ANK3: variants seen among roughly 807,000 people sequenced by gnomAD.
ANK3 encodes the protein ankyrin 3.
A neutral mutation model predicts 370.9 loss-of-function variants in ANK3; 57 were observed. The observed-to-expected ratio is 0.15, with a 90% CI of 0.12 to 0.19. ANK3 has a LOEUF of 0.19. Among genes scored for constraint, ANK3 ranks in the 10% least tolerant of loss-of-function variants. ANK3 has a pLI of 1.00. For missense variants in ANK3, 4,439 were observed against 5,302.1 expected, an observed-to-expected ratio of 0.84 and a Z score of 5.06; for synonymous variants, 1,929 against 1,946.3, an observed-to-expected ratio of 0.99 and a Z score of 0.23.
chr10:60,272,667 G>A (rs1159385075), intron 4 of ANK3, among the ~76,000 whole-genome samples: 1 of 151,916 alleles, frequency 6.6e-6, no homozygotes, highest in Non-Finnish European at 1.5e-5. Flanking sequence ...TTTAGCAGAG[G>A]TGGGGTTTCA....
In ANK3 at chr10:60,088,377, G is replaced by A; in HGVS notation, c.3329-19C>T. 6.2e-7 allele frequency: 1 copy of A among 1,603,518 alleles called. No homozygotes were observed. The highest frequency in any genetic ancestry group is 8.5e-7 in the Non-Finnish European group (1 of 1,170,940). On this transcript the variant is annotated intron_variant, in intron 28 of 43. Coordinates refer to ENST00000280772, the MANE Select transcript of ANK3 (RefSeq NM_020987.5). ...TCAAGTTCTGAAAAGACAAATGAAA[G>A]AAAATGCCATGAGAATAAGCATATC...
intron 2 of ANK3, among the ~76,000 whole-genome samples, chr10:60,533,436 C>A (rs531151094): frequency 1.3e-5 from 2 of 152,222 alleles, no homozygotes; most frequent in African/African-American, 4.8e-5. Context: ...AAATCCCAGG[C>A]TAGGCACTCT....
At chr10:60,248,079 A>G (rs1404354491) in intron 7 of ANK3, among the ~76,000 whole-genome samples, 1 of 152,208 alleles carries the variant, frequency 6.6e-6, no homozygotes, top group Non-Finnish European at 1.5e-5. Flanking sequence ...TTATCCATTC[A>G]TCTGTTGGAC....
intron 10 of ANK3, 109 bp downstream of exon 10, chr10:60,207,927 T>C: frequency 1.0e-6 from 1 of 978,962 alleles, no homozygotes; most frequent in Non-Finnish European, 1.6e-6. Context: ...GAAGTACACT[T>C]TAACTAGCAC....
At position 60,105,853 on chromosome 10, in the gene ANK3, C is replaced by T. The variant is rs2092098279; in HGVS notation, c.3328+52G>A. On this transcript the variant is annotated intron_variant, in intron 28 of 43. Transcript: ENST00000280772. The stretch of plus-strand genomic sequence containing the variant: ...CCTGTTTCATGTAATCTAGTCATTC[C>T]TTTAATTTCTGCCTGCAGACATTTA... The T allele has an allele frequency of 3.3e-6, 5 of 1,525,620 alleles. No individual in the cohort carries two copies. The South Asian group carries it at 6.5e-5, about 20-fold the overall frequency. The allele number at this position is 1,525,620 out of a possible 1,614,324, so 94.5% of individuals were successfully genotyped here. A position where few individuals can be genotyped will look rare whatever the true frequency, so the allele number is the denominator to read the frequency against.
At chr10:60,420,580 G>A (rs1464977585) in intron 2 of ANK3, among the ~76,000 whole-genome samples, 2 of 151,726 alleles carry the variant, frequency 1.3e-5, no homozygotes, top group East Asian at 3.9e-4. Context: ...CCCACTTAGT[G>A]GGCATATATT....
intron 1 of ANK3, among the ~76,000 whole-genome samples, chr10:60,689,011 C>A (rs1157627337): frequency 1.3e-5 from 2 of 151,826 alleles, no homozygotes; most frequent in Non-Finnish European, 2.9e-5. Context: ...CTTTCAGTAT[C>A]CCTGTTTTAG....
intron 28 of ANK3, among the ~76,000 whole-genome samples, chr10:60,098,897 G>C (rs1055133000): frequency 6.6e-6 from 1 of 152,088 alleles, no homozygotes; most frequent in Non-Finnish European, 1.5e-5. Context: ...CAGAATGTCT[G>C]GAAACAATGA....
intron 2 of ANK3, among the ~76,000 whole-genome samples, chr10:60,586,002 C>A (rs569003733): frequency 6.6e-6 from 1 of 150,952 alleles, no homozygotes; most frequent in African/African-American, 2.4e-5. Context: ...CCAGCCTGGG[C>A]GACAAGAGTA....
chr10:60,140,749 G>A, intron 23 of ANK3: 1 of 1,096,168 alleles, frequency 9.1e-7, no homozygotes, highest in African/African-American at 1.6e-5. Flanking sequence ...GCAAGCCCCT[G>A]AGTTATTTGT....
chr10:60,169,267 G>A (rs919612574), intron 21 of ANK3, among the ~76,000 whole-genome samples: 1 of 151,430 alleles, frequency 6.6e-6, no homozygotes, highest in Non-Finnish European at 1.5e-5. Flanking sequence ...ATCTCATTGT[G>A]GTCTTGATTT....
intron 1 of ANK3, among the ~76,000 whole-genome samples, chr10:60,379,668 G>T (rs2061296729): frequency 6.6e-6 from 1 of 152,064 alleles, no homozygotes; most frequent in South Asian, 2.1e-4. Flanking sequence ...TAAAAAAAAA[G>T]TTGATCTCAT....
chr10:60,071,553 G>C lies in ANK3; in HGVS notation c.9328C>G (p.Gln3110Glu). 5 of 1,613,962 alleles carry C rather than the reference G, an allele frequency of 3.1e-6. No homozygotes were observed. The highest frequency in any genetic ancestry group is 2.2e-5 in the East Asian group (1 of 44,872). ...QVGKQYEKEIQQGGVKKIISQ... is the reference protein window; with the variant it reads ...QVGKQYEKEIEQGGVKKIISQ... ...ATGATTTTTTTTACACCTCCTTGTT[G>C]TATCTCCTTTTCATATTGCTTCCCC... is the stretch of plus-strand genomic sequence containing the variant. The change falls in exon 37 of 44, where the codon CAA (glutamine) becomes GAA (glutamate). Residue 3110 changes from glutamine (Q) to glutamate (E), a missense_variant. Physicochemically the swap from Gln to Glu is conservative, Grantham distance 29. Transcript: ENST00000280772.
At chr10:60,417,116 G>A (rs886099325) in intron 2 of ANK3, among the ~76,000 whole-genome samples, 4 of 152,196 alleles carry the variant, frequency 2.6e-5, no homozygotes, top group Non-Finnish European at 4.4e-5. Context: ...CAGCAGGCAG[G>A]AAAGAACTGC....
intron 2 of ANK3, among the ~76,000 whole-genome samples, chr10:60,553,240 G>A (rs2077130323): frequency 6.6e-6 from 1 of 152,130 alleles, no homozygotes; most frequent in Non-Finnish European, 1.5e-5. Flanking sequence ...AGAATCCTTG[G>A]TCTGCCTTAT....
intron 21 of ANK3, among the ~76,000 whole-genome samples, chr10:60,170,182 G>A (rs1453486445): frequency 6.6e-6 from 1 of 152,140 alleles, no homozygotes; most frequent in Non-Finnish European, 1.5e-5. Flanking sequence ...ATTCAGTTTG[G>A]TATGCTGTTT....
chr10:60,245,212 A>G (rs2097535871), intron 7 of ANK3, among the ~76,000 whole-genome samples: 1 of 152,212 alleles, frequency 6.6e-6, no homozygotes, highest in South Asian at 2.1e-4. Context: ...AGGTTTTGAT[A>G]CAATGTAGAA....
intron 7 of ANK3, among the ~76,000 whole-genome samples, chr10:60,249,522 C>G (rs1046436154): frequency 3.3e-5 from 5 of 152,342 alleles, no homozygotes; most frequent in African/African-American, 1.2e-4. Context: ...TCTGAGATAT[C>G]AGTTAACTTG....
intron 8 of ANK3, among the ~76,000 whole-genome samples, chr10:60,216,941 A>G (rs898652156): frequency 6.6e-6 from 1 of 152,100 alleles, no homozygotes; most frequent in African/African-American, 2.4e-5. Context: ...CCCCAATTTC[A>G]GAACTCGTTA....
Sources: allele counts gnomAD v4.1 joint callset (sites outside exome capture counted in the v4.1 genomes callset), GRCh38; gene constraint gnomAD v4.1.1; transcripts MANE v1.5; gene names NCBI Gene and HGNC (gene_info 2026-07-23, HGNC 2026-07-21).